The following PSMC3 variants were observed in gnomAD, a reference collection of about 807,000 sequenced individuals.
The protein encoded by PSMC3 is 26S proteasome regulatory subunit 6A.
PSMC3 carries 11 observed loss-of-function variants against 52.0 expected under a neutral mutation model. That is an observed-to-expected ratio of 0.21 (90% CI 0.13 to 0.35). The LOEUF (loss-of-function observed/expected upper bound fraction) is 0.35. PSMC3 is among the 10% of genes least tolerant of loss of function. PSMC3 has a pLI of 1.00. For missense variants in PSMC3, 238 were observed against 567.1 expected, an observed-to-expected ratio of 0.42 and a Z score of 5.89; for synonymous variants, 201 against 218.8, an observed-to-expected ratio of 0.92 and a Z score of 0.72.
chr11:47,426,111 C>G lies in PSMC3; in HGVS notation c.75+94G>C, dbSNP rs554469130. ...AAACAACCCCGTCCCCGGGATCGGG[C>G]CAGACCTTGACCCCCAGCCACCTCC... On this transcript the variant is annotated intron_variant, in intron 1 of 11. Coordinates refer to ENST00000298852, the MANE Select transcript of PSMC3 (RefSeq NM_002804.5). 2.0e-5 allele frequency: 29 copies of G among 1,467,104 alleles called. No homozygotes were observed. In the East Asian group the frequency reaches 6.2e-4, roughly 31 times the overall value. The allele number at this position is 1,467,104 out of a possible 1,614,324, so 90.9% of individuals were successfully genotyped here.
In PSMC3 at chr11:47,419,095, C is replaced by T. The variant is rs769608119; in HGVS notation, c.1209+21G>A. Reference sequence around the variant, plus strand: ...GGCAAGAAGGCACAAAGCAACGCACCCACCCCAGCTGACCACTCACCGCCT... The same window carrying T: ...GGCAAGAAGGCACAAAGCAACGCACTCACCCCAGCTGACCACTCACCGCCT... On this transcript the variant is annotated intron_variant, in intron 11 of 11. Transcript: ENST00000298852. 9 of 1,613,896 alleles carry T rather than the reference C, an allele frequency of 5.6e-6. No individual in the cohort carries two copies. In the African/African-American group the frequency reaches 9.3e-5, roughly 17 times the overall value.
rs1352019470 is a variant in PSMC3 at position 47,426,292 on chromosome 11, C to T, written c.-13G>A. ...GCAGCAGATTCATTTCCTGGAGGAG[C>T]GGGCAGAAGATGGGACCAGGCGGGA... On this transcript the variant is annotated 5_prime_UTR_variant, in exon 1 of 12. Coordinates refer to ENST00000298852, the MANE Select transcript of PSMC3 (RefSeq NM_002804.5). The T allele has an allele frequency of 1.3e-6, 2 of 1,549,766 alleles. No individual in the cohort carries two copies. Among genetic ancestry groups the T allele is most frequent in the Non-Finnish European group, 1.7e-6 (2 of 1,145,858 alleles).
Position 47,423,226 on chromosome 11 carries a change from C to T in PSMC3, c.592-253G>A, listed in dbSNP as rs1030335846. Among the ~76,000 whole-genome samples the T allele has an allele frequency of 2.6e-5, 4 of 151,754 alleles. No individual in the cohort carries two copies. In the East Asian group the frequency reaches 5.8e-4, roughly 22 times the overall value. ...CATCCTGGCTAACACGGTGAAACTC[C>T]GTCTCTACTAAAAATACAAAAACAT... On this transcript the variant is annotated intron_variant, in intron 6 of 11. Coordinates refer to ENST00000298852, the MANE Select transcript of PSMC3 (RefSeq NM_002804.5).
intron 6 of PSMC3, among the ~76,000 whole-genome samples, 179 bp downstream of exon 6, chr11:47,423,867 C>A (rs2096043535): frequency 6.6e-6 from 1 of 152,086 alleles, no homozygotes; most frequent in Admixed American, 6.5e-5. Context: ...TCTCTGTGAT[C>A]CTGGGCAAGG....
intron 8 of PSMC3, 38 bp from the exon 9 acceptor site, chr11:47,420,765 A>T: frequency 6.6e-7 from 1 of 1,514,984 alleles, no homozygotes; most frequent in Non-Finnish European, 9.0e-7. Context: ...GTGAGGGCAC[A>T]GCTTAGGCAG....
intron 2 of PSMC3, 59 bp from the exon 3 acceptor site, chr11:47,425,305 C>G: frequency 6.2e-7 from 1 of 1,604,942 alleles, no homozygotes; most frequent in Non-Finnish European, 8.5e-7. Context: ...ATGCTAGAGC[C>G]CTGTAACTAG....
At chr11:47,419,324 C>G (rs2096037170) in intron 10 of PSMC3, 127 bp from the exon 11 acceptor site, 2 of 880,686 alleles carry the variant, frequency 2.3e-6, no homozygotes, top group Non-Finnish European at 3.7e-6. Flanking sequence ...AAGTCCCTTA[C>G]TCAATGCGCC....
intron 6 of PSMC3, 80 bp downstream of exon 6, chr11:47,423,966 T>C: frequency 6.3e-7 from 1 of 1,588,012 alleles, no homozygotes; most frequent in Non-Finnish European, 8.6e-7. Flanking sequence ...GAAAGACACA[T>C]TAGGGAGATG....
In PSMC3 at chr11:47,424,555, C is replaced by G; in HGVS notation, c.390+52G>C. On this transcript the variant is annotated intron_variant, in intron 4 of 11. Coordinates refer to ENST00000298852, the MANE Select transcript of PSMC3 (RefSeq NM_002804.5). The surrounding 1 kb of genome is among the most constrained non-coding windows in gnomAD (Gnocchi z 4.8). The stretch of plus-strand genomic sequence containing the variant: ...TCAGGGAAGGCTCCCTAGTCCTGTC[C>G]CACATCCGCTCCTCACCCTCCTCCA... The G allele has an allele frequency of 3.7e-6, 6 of 1,606,094 alleles. No individual in the cohort carries two copies. Among genetic ancestry groups the G allele is most frequent in the Non-Finnish European group, 5.1e-6 (6 of 1,172,688 alleles).
rs750363446 is a variant in PSMC3, at chr11:47,422,547, C to G, written c.884+27G>C. On this transcript the variant is annotated intron_variant, in intron 8 of 11. Transcript: ENST00000298852. The surrounding 1 kb of genome is among the most constrained non-coding windows in gnomAD (Gnocchi z 4.3). ...CGCTTCCCCTTACCGCCACAGAGAT[C>G]GCTAGGGACCCTTGGCCCTCCCTTA... 6.2e-7 allele frequency: 1 copy of G among 1,612,544 alleles called. No individual in the cohort carries two copies. Among genetic ancestry groups the G allele is most frequent in the Non-Finnish European group, 8.5e-7 (1 of 1,178,960 alleles).
Position 47,419,117 on chromosome 11 carries a change from G to A in PSMC3, c.1208C>T (p.Ala403Val), listed in dbSNP as rs895209304. The A allele has an allele frequency of 6.2e-7, 1 of 1,614,096 alleles. No individual in the cohort carries two copies. Among genetic ancestry groups the A allele is most frequent in the Non-Finnish European group, 8.5e-7 (1 of 1,180,018 alleles). Residue 403 changes from alanine to valine, a missense_variant and splice_region_variant, in exon 11 of 12, where the codon GCG becomes GTG. This residue lies in a region of PSMC3 where 23 missense variants were observed against 64.6 expected (regional missense o/e 0.36). Transcript: ENST00000298852. ...GAQCKAVCVE[A>V]GMIALRRGAT... ...CACCCACCCCAGCTGACCACTCACCGCCTCCACACACACAGCCTTGCACTG... is the reference window on the plus strand; with the variant it reads ...CACCCACCCCAGCTGACCACTCACCACCTCCACACACACAGCCTTGCACTG...
intron 8 of PSMC3, among the ~76,000 whole-genome samples, chr11:47,421,999 T>C (rs1198663124): frequency 6.6e-6 from 1 of 151,756 alleles, no homozygotes; most frequent in Non-Finnish European, 1.5e-5. Flanking sequence ...TGTGGGTTCA[T>C]GTGAGCGAGG....
At chr11:47,420,005 G>A (rs1047520552) in intron 10 of PSMC3, among the ~76,000 whole-genome samples, 1 of 152,176 alleles carries the variant, frequency 6.6e-6, no homozygotes, top group Non-Finnish European at 1.5e-5. Context: ...GAAACTAAGT[G>A]CCTCCAGCCT....
Position 47,422,763 on chromosome 11 carries a change from C to T in PSMC3, c.736-41G>A. 1 of 1,611,452 alleles carries T rather than the reference C, an allele frequency of 6.2e-7. No individual in the cohort carries two copies. Among genetic ancestry groups the T allele is most frequent in the Non-Finnish European group, 8.5e-7 (1 of 1,178,048 alleles). On this transcript the variant is annotated intron_variant, in intron 7 of 11. Transcript: ENST00000298852. This position sits in a 1 kb window ranked among gnomAD's most constrained non-coding sequence, Gnocchi z 4.3. Reference sequence around the variant, plus strand: ...GGTAGAGTCAGGTCAAAGGCAGACCCTTTGAGCCCATCTGGTAGAGTTTCT... The same window carrying T: ...GGTAGAGTCAGGTCAAAGGCAGACCTTTTGAGCCCATCTGGTAGAGTTTCT...
intron 6 of PSMC3, 147 bp downstream of exon 6, chr11:47,423,899 A>G: frequency 9.0e-7 from 1 of 1,113,456 alleles, no homozygotes; most frequent in Non-Finnish European, 1.3e-6. Context: ...TCTGGGCTTC[A>G]GTCTCCTCAC....
At chr11:47,420,170 G>A (rs887576598) in intron 10 of PSMC3, 94 bp downstream of exon 10, 27 of 1,466,612 alleles carry the variant, frequency 1.8e-5, no homozygotes, top group African/African-American at 1.4e-4. Flanking sequence ...GGTGGTGGTC[G>A]TGGAGGCTGG....
At chr11:47,425,356 A>T in intron 2 of PSMC3, 110 bp from the exon 3 acceptor site, 1 of 1,359,132 alleles carries the variant, frequency 7.4e-7, no homozygotes, top group Non-Finnish European at 1.0e-6. Context: ...GCATCCATTC[A>T]TCCAGCTCTG....
chr11:47,423,021 T>A, intron 6 of PSMC3, 48 bp from the exon 7 acceptor site: 1 of 1,546,608 alleles, frequency 6.5e-7, no homozygotes, highest in Non-Finnish European at 8.7e-7. Context: ...TGAGGGCTTC[T>A]ACAGCCCAAC....
At position 47,424,253 on chromosome 11, in the gene PSMC3, T is replaced by C. The variant is rs1452602820; in HGVS notation, c.454-70A>G. 1.2e-5 allele frequency: 19 copies of C among 1,606,596 alleles called. No homozygotes were observed. Among genetic ancestry groups the C allele is most frequent in the Non-Finnish European group, 1.5e-5 (18 of 1,173,490 alleles). On this transcript the variant is annotated intron_variant, in intron 5 of 11. Transcript: ENST00000298852. The surrounding 1 kb of genome is among the most constrained non-coding windows in gnomAD (Gnocchi z 4.8). ...GCTACCCAACTGACTGGGTGACAGG[T>C]GTCTGCAGAGGGAAAGACACAGGAC...
Sources: gnomAD v4.1 joint callset for allele counts (sites outside exome capture counted in the v4.1 genomes callset) on GRCh38, gnomAD v4.1.1 for gene constraint, gnomAD v4.1.1 regional missense constraint, Gnocchi (gnomAD v3.1) non-coding constraint, MANE v1.5 for transcripts, NCBI Gene and HGNC (gene_info 2026-07-23, HGNC 2026-07-21) for gene names.